TNFAIP2: variants seen among roughly 807,000 people sequenced by gnomAD.
TNFAIP2 encodes TNF alpha induced protein 2.
In TNFAIP2, 47 loss-of-function variants were observed where a neutral mutation model predicts 63.5. The observed-to-expected ratio is 0.74, with a 90% CI of 0.59 to 0.94. The LOEUF (loss-of-function observed/expected upper bound fraction) is 0.94. TNFAIP2 is among the 40% of genes least tolerant of loss of function. The probability of loss-of-function intolerance (pLI) is 0.00; values close to 1 mark genes in which losing one functional copy is unlikely to be tolerated. For synonymous variants in TNFAIP2, 405 were observed against 390.2 expected, an observed-to-expected ratio of 1.04 and a Z score of -0.45; for missense variants, 787 against 850.2, an observed-to-expected ratio of 0.93 and a Z score of 0.92.
intron 8 of TNFAIP2, among the ~76,000 whole-genome samples, chr14:103,132,090 C>T (rs1424300069): frequency 8.5e-6 from 1 of 117,648 alleles, no homozygotes; most frequent in African/African-American, 3.4e-5. Context: ...TTCACTGCCC[C>T]TCCCCGATTC....
rs1304765573 is a variant in TNFAIP2 at position 103,131,522 on chromosome 14, T to G, written c.1299-117T>G. The stretch of plus-strand genomic sequence containing the variant: ...ACATGGATGGGAGGACTTGATCCCA[T>G]AGAGAATGGGGAGCCATTGAGGGTT... On this transcript the variant is annotated intron_variant, in intron 7 of 11. Coordinates refer to ENST00000560869, the MANE Select transcript of TNFAIP2 (RefSeq NM_006291.4). The surrounding 1 kb of genome is among the most constrained non-coding windows in gnomAD (Gnocchi z 4.0). The G allele has an allele frequency of 1.5e-6, 2 of 1,360,268 alleles. No individual in the cohort carries two copies. The highest frequency in any genetic ancestry group is 2.0e-6 in the Non-Finnish European group (2 of 1,024,396). The allele number at this position is 1,360,268 out of a possible 1,614,324, so 84.3% of individuals were successfully genotyped here.
At position 103,133,442 on chromosome 14, in the gene TNFAIP2, G is replaced by C; in HGVS notation, c.1626G>C (p.Thr542=). The change falls in exon 10 of 12, where the codon ACG becomes ACC. Residue 542 remains threonine (T), a synonymous_variant. Coordinates refer to ENST00000560869, the MANE Select transcript of TNFAIP2 (RefSeq NM_006291.4). ...GCAAGGGGCGCCTGGTCCTCAAGAC[G>C]GCCGAGCAGCAGCAGCAGCTGGCTG... The part of the protein sequence containing the change: ...QLSKGRLVLK[T]AEQQQQLAGY... The C allele has an allele frequency of 6.2e-7, 1 of 1,614,012 alleles. No individual in the cohort carries two copies. Among genetic ancestry groups the C allele is most frequent in the Non-Finnish European group, 8.5e-7 (1 of 1,180,026 alleles).
chr14:103,127,080 TGGC>T lies in TNFAIP2; in HGVS notation c.329_331del (p.Ala110del), dbSNP rs8176385. ...CCGCTGCTGGCGCTGGAGCGGGAGC[TGGC>T]GGCGGCGGCGGCGGCGGGCGGTGTG... On this transcript the variant is annotated inframe_deletion, in exon 3 of 12. Coordinates refer to ENST00000560869, the MANE Select transcript of TNFAIP2 (RefSeq NM_006291.4). This position sits in a 1 kb window ranked among gnomAD's most constrained non-coding sequence, Gnocchi z 5.1. 1,340 of 1,104,694 alleles carry T rather than the reference TGGC, an allele frequency of 1.2e-3. No homozygotes were observed. Among genetic ancestry groups the T allele is most frequent in the South Asian group, 7.2e-3 (190 of 26,372 alleles). 68.4% of individuals were successfully genotyped at this position (1,104,694 alleles called of 1,614,324 possible).
In TNFAIP2 at chr14:103,135,394, C is replaced by A; in HGVS notation, c.*34C>A. ...GTGGCCTGACCTGCCTGTGAGTGCC[C>A]AGCAAGCCTTGGGCACACCCCGCTG... On this transcript the variant is annotated 3_prime_UTR_variant, in exon 12 of 12. Transcript: ENST00000560869. The surrounding 1 kb of genome is among the most constrained non-coding windows in gnomAD (Gnocchi z 7.6). 6.4e-7 allele frequency: 1 copy of A among 1,573,134 alleles called. No homozygotes were observed. The highest frequency in any genetic ancestry group is 1.2e-5 in the South Asian group (1 of 84,048).
Position 103,133,900 on chromosome 14 carries a change from G to A in TNFAIP2, c.1823+97G>A, listed in dbSNP as rs551318183. 1.1e-5 allele frequency: 16 copies of A among 1,445,816 alleles called. No individual in the cohort carries two copies. In the South Asian group the frequency reaches 1.4e-4, roughly 12 times the overall value. 89.6% of individuals were successfully genotyped at this position (1,445,816 alleles called of 1,614,324 possible). On this transcript the variant is annotated intron_variant, in intron 11 of 11. Transcript: ENST00000560869. ...AACCCAGATCCTGGCAGCTGCCCAC[G>A]TGCCAGTCACTGTGTGAACCTCACC...
rs559787117 is a variant in TNFAIP2 at position 103,133,692 on chromosome 14, C to T, written c.1712C>T (p.Ala571Val). ...CACCCACTCCTGCAGGGCTCCCCGG[C>T]GACCTGGCTGCAGCCTGCTCTCCCT... ...QHFCTQHGSP[A>V]TWLQPALPTL... Residue 571 changes from alanine (A) to valine (V), a missense_variant, in exon 11 of 12, where the codon GCG becomes GTG. Physicochemically the swap from Ala to Val is moderately conservative, Grantham distance 64. Coordinates refer to ENST00000560869, the MANE Select transcript of TNFAIP2 (RefSeq NM_006291.4). 57 of 1,566,940 alleles carry T rather than the reference C, an allele frequency of 3.6e-5. No individual in the cohort carries two copies. Among genetic ancestry groups the T allele is most frequent in the Non-Finnish European group, 4.6e-5 (53 of 1,160,596 alleles).
chr14:103,128,262 G>A (rs1230193031), intron 3 of TNFAIP2, among the ~76,000 whole-genome samples: 2 of 152,216 alleles, frequency 1.3e-5, no homozygotes, highest in African/African-American at 2.4e-5. Flanking sequence ...AGTTCCAAGT[G>A]ATGGGCTAGG....
chr14:103,122,827 T>TTAAAGTGGTGTGAGCC, upstream of TNFAIP2: 1 of 454,964 alleles, frequency 2.2e-6, no homozygotes. Context: ...ACTCCGCTAC[T>TTAAAGTGGTGTGAGCC]TAAAGTGGTG....
intron 1 of TNFAIP2, among the ~76,000 whole-genome samples, chr14:103,125,456 G>A (rs1024231490): frequency 6.6e-6 from 1 of 152,198 alleles, no homozygotes; most frequent in Non-Finnish European, 1.5e-5. Flanking sequence ...TATAGGGACA[G>A]TTTAAGCCGA....
In TNFAIP2 at chr14:103,123,720, G is replaced by A. The variant is rs2087794058; in HGVS notation, c.-380G>A. On this transcript the variant is annotated 5_prime_UTR_variant, in exon 1 of 12. Transcript: ENST00000560869. ...CCCGGGCCTGCCAGAGGCAGGGAGG[G>A]CGGGGCTGGGGCAGGCGCAGGGGTC... 1 of 152,310 alleles carries A rather than the reference G, an allele frequency of 6.6e-6. No homozygotes were observed. The highest frequency in any genetic ancestry group is 2.1e-4 in the South Asian group (1 of 4,840). 9.4% of individuals were successfully genotyped at this position (152,310 alleles called of 1,614,324 possible).
chr14:103,133,005 C>A, intron 9 of TNFAIP2, 133 bp downstream of exon 9: 2 of 1,397,920 alleles, frequency 1.4e-6, no homozygotes, highest in Non-Finnish European at 9.7e-7. Flanking sequence ...AATGCACGAG[C>A]ATGTGAACAC....
At chr14:103,122,321 C>A (rs933096454), upstream of TNFAIP2, among the ~76,000 whole-genome samples, 1 of 152,040 alleles carries the variant, frequency 6.6e-6, no homozygotes, top group Admixed American at 6.5e-5. Context: ...ACTCCGCTGG[C>A]CCCCCTGGTC....
Position 103,133,761 on chromosome 14 carries a change from A to G in TNFAIP2, c.1781A>G (p.Lys594Arg). ...IIRLQDPSAI[K>R]IEVATYATCY... ...CGCCTGCAGGACCCCAGTGCCATCA[A>G]GATTGAGGTGGCCACTTATGCCACC... The change falls in exon 11 of 12, where the codon AAG (lysine) becomes AGG (arginine). Residue 594 changes from lysine to arginine, a missense_variant. Physicochemically the swap from Lys to Arg is conservative, Grantham distance 26 (BLOSUM62 2). Around this residue, in one of 3 missense-constraint regions of TNFAIP2, gnomAD observed 523 missense variants for 604.1 expected, o/e 0.87. Transcript: ENST00000560869. 1 of 1,596,660 alleles carries G rather than the reference A, an allele frequency of 6.3e-7. No individual in the cohort carries two copies. The highest frequency in any genetic ancestry group is 8.5e-7 in the Non-Finnish European group (1 of 1,176,952).
rs2234125 is a variant in TNFAIP2 at position 103,126,001 on chromosome 14, G to A, written c.-148-309G>A. 4.6e-3 allele frequency among the ~76,000 whole-genome samples: 704 copies of A among 152,310 alleles called. 8 individuals carry two copies. The highest frequency in any genetic ancestry group is 0.016 in the African/African-American group (678 of 41,576). On this transcript the variant is annotated intron_variant, in intron 1 of 11. Coordinates refer to ENST00000560869, the MANE Select transcript of TNFAIP2 (RefSeq NM_006291.4). ...CTGCTTCCTGCCCAGAGGGTGGGCT[G>A]GCAGGGAAGGATTTGCCCAAGTAAA...
At chr14:103,128,747 TAACCC>T (rs1428337590) in intron 3 of TNFAIP2, among the ~76,000 whole-genome samples, 1 of 152,032 alleles carries the variant, frequency 6.6e-6, no homozygotes, top group East Asian at 1.9e-4. Flanking sequence ...ACGGGAGAGA[TAACCC>T]AGCCCAGAGC....
chr14:103,131,078 T>G lies in TNFAIP2; in HGVS notation c.1226T>G (p.Leu409Arg). ...TACCAGCGCGCCTTTAATGAATTTCTGGAGAGAGGCAAGCAGCTGACGAAT... is the reference window on the plus strand; with the variant it reads ...TACCAGCGCGCCTTTAATGAATTTCGGGAGAGAGGCAAGCAGCTGACGAAT... Reference protein sequence around the residue: ...RSYQRAFNEFLERGKQLTNYR... With the variant: ...RSYQRAFNEFRERGKQLTNYR... Residue 409 changes from leucine (L) to arginine (R), a missense_variant, in exon 7 of 12, where the codon CTG (leucine) becomes CGG (arginine). Coordinates refer to ENST00000560869, the MANE Select transcript of TNFAIP2 (RefSeq NM_006291.4). The surrounding 1 kb of genome is among the most constrained non-coding windows in gnomAD (Gnocchi z 4.0). 1 of 1,614,186 alleles carries G rather than the reference T, an allele frequency of 6.2e-7. No homozygotes were observed. Among genetic ancestry groups the G allele is most frequent in the Non-Finnish European group, 8.5e-7 (1 of 1,180,038 alleles).
At position 103,129,807 on chromosome 14, in the gene TNFAIP2, C is replaced by T. The variant is rs752963643; in HGVS notation, c.928C>T (p.Pro310Ser). ...QGMGLGSLLPPRQIRLLEATF... is the reference protein window; with the variant it reads ...QGMGLGSLLPSRQIRLLEATF... ...TATGGGGCTCGGGAGCCTCCTGCCC[C>T]CCAGGCAGATCCGACTGCTGGAGGC... The change falls in exon 4 of 12, where the codon CCC becomes TCC. Residue 310 changes from proline to serine, a missense_variant. Coordinates refer to ENST00000560869, the MANE Select transcript of TNFAIP2 (RefSeq NM_006291.4). 1.2e-6 allele frequency: 2 copies of T among 1,614,052 alleles called. No individual in the cohort carries two copies. Among genetic ancestry groups the T allele is most frequent in the African/African-American group, 1.3e-5 (1 of 75,034 alleles).
chr14:103,133,094 A>G (rs979682160), intron 9 of TNFAIP2, among the ~76,000 whole-genome samples: 1 of 152,250 alleles, frequency 6.6e-6, no homozygotes, highest in Non-Finnish European at 1.5e-5. Context: ...ATGCACGAGC[A>G]TGTGAACACA....
In TNFAIP2 at chr14:103,135,813, G is replaced by A; in HGVS notation, c.*453G>A. The A allele has an allele frequency of 1.5e-6, 2 of 1,293,846 alleles. No individual in the cohort carries two copies. The highest frequency in any genetic ancestry group is 2.0e-6 in the Non-Finnish European group (2 of 992,104). The allele number at this position is 1,293,846 out of a possible 1,614,324, so 80.1% of individuals were successfully genotyped here. ...TCACCCATCTGCCCTCTGCAGCCCA[G>A]GGCCGCCGTGAGCGGGATTCAGCAA... On this transcript the variant is annotated 3_prime_UTR_variant, in exon 12 of 12. Coordinates refer to ENST00000560869, the MANE Select transcript of TNFAIP2 (RefSeq NM_006291.4). This position sits in a 1 kb window ranked among gnomAD's most constrained non-coding sequence, Gnocchi z 7.6.
Sources: allele counts gnomAD v4.1 joint callset (sites outside exome capture counted in the v4.1 genomes callset), GRCh38; gene constraint gnomAD v4.1.1; regional missense constraint gnomAD v4.1.1; non-coding constraint Gnocchi (gnomAD v3.1); transcripts MANE v1.5; gene names NCBI Gene and HGNC (gene_info 2026-07-23, HGNC 2026-07-21).